The following MGAT4C variants were observed in gnomAD, a reference collection of about 807,000 sequenced individuals.
MGAT4C encodes alpha-1,3-mannosyl-glycoprotein 4-beta-N-acetylglucosaminyltransferase C.
In MGAT4C, 19 loss-of-function variants were observed where a neutral mutation model predicts 40.1. The observed-to-expected ratio is 0.47, with a 90% confidence interval of 0.33 to 0.70. MGAT4C has a LOEUF of 0.70. MGAT4C is among the 30% of genes least tolerant of loss of function. MGAT4C has a pLI of 0.02. For missense variants in MGAT4C, 491 were observed against 563.2 expected (o/e 0.87, Z 1.30); for synonymous variants, 181 against 187.1 (o/e 0.97, Z 0.27).
intron 2 of MGAT4C, among the ~76,000 whole-genome samples, chr12:86,638,651 T>C (rs1963292524): frequency 6.6e-6 from 1 of 151,872 alleles, no homozygotes; most frequent in Admixed American, 6.6e-5. Context: ...CCAAGTTTAA[T>C]TTACTTGTGC....
chr12:86,024,211 C>A (rs147209316), intron 2 of MGAT4C, among the ~76,000 whole-genome samples: 308 of 151,840 alleles, frequency 2.0e-3, no homozygotes, highest in African/African-American at 7.1e-3. Context: ...TCTGTATATG[C>A]GTAAATAACG....
intron 2 of MGAT4C, among the ~76,000 whole-genome samples, chr12:86,718,309 C>T (rs1950681582): frequency 6.6e-6 from 1 of 152,058 alleles, no homozygotes; most frequent in African/African-American, 2.4e-5. Flanking sequence ...GTATAAAAGC[C>T]CCAAACAGTA....
intron 1 of MGAT4C, among the ~76,000 whole-genome samples, chr12:86,085,938 G>C (rs1378169238): frequency 6.6e-6 from 1 of 152,072 alleles, no homozygotes; most frequent in African/African-American, 2.4e-5. Flanking sequence ...TTACACTGTT[G>C]GTGGGAGTGT....
At position 86,031,371 on chromosome 12, in the gene MGAT4C, C is replaced by G. The variant is rs115131380; in HGVS notation, c.-7+18303G>C. Among the ~76,000 whole-genome samples the G allele has an allele frequency of 9.3e-3, 1,412 of 151,860 alleles. 24 individuals are homozygous for G. Among genetic ancestry groups the G allele is most frequent in the African/African-American group, 0.032 (1,310 of 41,510 alleles). On this transcript the variant is annotated intron_variant, in intron 2 of 4. Transcript: ENST00000611864. ...TCCGTCTCTGCTGCATTCTTTTTCTCTGGTTTTGCTGACCTTTTATAGTGG... is the reference window on the plus strand; with the variant it reads ...TCCGTCTCTGCTGCATTCTTTTTCTGTGGTTTTGCTGACCTTTTATAGTGG...
chr12:86,516,600 A>G (rs1443697852), intron 2 of MGAT4C, among the ~76,000 whole-genome samples: 1 of 152,160 alleles, frequency 6.6e-6, no homozygotes, highest in Non-Finnish European at 1.5e-5. Flanking sequence ...CAAACAATAA[A>G]AGGAAAAATA....
At chr12:86,530,006 T>C (rs901706422) in intron 2 of MGAT4C, among the ~76,000 whole-genome samples, 3 of 152,026 alleles carry the variant, frequency 2.0e-5, no homozygotes, top group African/African-American at 7.2e-5. Flanking sequence ...TAAAATTTTA[T>C]ATTATTTCAC....
intron 2 of MGAT4C, chr12:86,013,602 C>T (rs1042571317): frequency 1.6e-5 from 5 of 307,394 alleles, no homozygotes; most frequent in Non-Finnish European, 2.4e-5. Flanking sequence ...AACAATTATA[C>T]ATATATAAAT....
intron 2 of MGAT4C, among the ~76,000 whole-genome samples, chr12:86,019,602 T>TACC (rs1889450373): frequency 6.6e-6 from 1 of 152,164 alleles, no homozygotes; most frequent in Non-Finnish European, 1.5e-5. Flanking sequence ...AGCCTAGTAG[T>TACC]ATAGTTTGAA....
chr12:86,279,610 T>A (rs1045811797), intron 4 of MGAT4C, among the ~76,000 whole-genome samples: 1 of 151,852 alleles, frequency 6.6e-6, no homozygotes, highest in Non-Finnish European at 1.5e-5. Flanking sequence ...TTTGTTGATC[T>A]TTTTTATTGT....
chr12:86,660,052 A>G (rs1386274855), intron 2 of MGAT4C, among the ~76,000 whole-genome samples: 6 of 152,252 alleles, frequency 3.9e-5, no homozygotes. Context: ...ACAAAATAAA[A>G]TAACTTGTAG....
At chr12:86,555,544 C>G (rs1176939612) in intron 2 of MGAT4C, among the ~76,000 whole-genome samples, 4 of 152,042 alleles carry the variant, frequency 2.6e-5, no homozygotes, top group Admixed American at 2.6e-4. Context: ...TAATCTAAGC[C>G]CAGGGCATAA....
chr12:85,959,774 CTCTT>C lies in MGAT4C; in HGVS notation c.*19511_*19514del, dbSNP rs1883013833. On this transcript the variant is annotated 3_prime_UTR_variant, in exon 5 of 5. Transcript: ENST00000611864. ...TATTCATTGTTTTCTTCTGGGTTAA[CTCTT>C]TTTTATGTTAACTGAATCAATTTTG... 1 of 149,532 alleles carries C rather than the reference CTCTT, an allele frequency of 6.7e-6. No homozygotes were observed. The highest frequency in any genetic ancestry group is 6.7e-5 in the Admixed American group (1 of 14,902). 9.3% of individuals were successfully genotyped at this position (149,532 alleles called of 1,614,324 possible). A position where few individuals can be genotyped will look rare whatever the true frequency, so the allele number is the denominator to read the frequency against.
At chr12:86,202,438 C>A (rs1950086104) in intron 1 of MGAT4C, among the ~76,000 whole-genome samples, 1 of 151,994 alleles carries the variant, frequency 6.6e-6, no homozygotes, top group African/African-American at 2.4e-5. Context: ...AGATAACGTT[C>A]CACATAGTAA....
chr12:86,152,997 C>A (rs61932275), intron 1 of MGAT4C, among the ~76,000 whole-genome samples: 11,958 of 152,176 alleles, frequency 0.079, 654 homozygotes, highest in Middle Eastern at 0.22. Context: ...TAATATTACA[C>A]CCTGATCCTG....
chr12:86,288,295 T>C (rs933866353), intron 4 of MGAT4C, among the ~76,000 whole-genome samples: 2 of 152,212 alleles, frequency 1.3e-5, no homozygotes, highest in African/African-American at 2.4e-5. Flanking sequence ...ATTCTGTAGG[T>C]TGCCTGCTCA....
At chr12:86,810,621 T>C (rs1952453768) in intron 1 of MGAT4C, among the ~76,000 whole-genome samples, 1 of 151,920 alleles carries the variant, frequency 6.6e-6, no homozygotes, top group Non-Finnish European at 1.5e-5. Flanking sequence ...GTGGATATGG[T>C]AGATAACATT....
chr12:86,416,700 G>A (rs1322626225), intron 3 of MGAT4C, among the ~76,000 whole-genome samples: 1 of 152,072 alleles, frequency 6.6e-6, no homozygotes, highest in Non-Finnish European at 1.5e-5. Context: ...AGTGTAGCCA[G>A]GAAGAAGTTG....
At chr12:86,044,629 T>C (rs1318577430) in intron 2 of MGAT4C, among the ~76,000 whole-genome samples, 2 of 151,914 alleles carry the variant, frequency 1.3e-5, no homozygotes, top group Admixed American at 6.6e-5. Context: ...GCAGGTGAGC[T>C]GGTATGTGTT....
At chr12:86,771,314 T>C (rs1951630800) in intron 1 of MGAT4C, among the ~76,000 whole-genome samples, 1 of 152,138 alleles carries the variant, frequency 6.6e-6, no homozygotes, top group Non-Finnish European at 1.5e-5. Flanking sequence ...ATTTTGGTAC[T>C]GAGAAGTGGG....
Sources: allele counts gnomAD v4.1 joint callset (sites outside exome capture counted in the v4.1 genomes callset), GRCh38; gene constraint gnomAD v4.1.1; transcripts MANE v1.5; gene names NCBI Gene and HGNC (gene_info 2026-07-23, HGNC 2026-07-21).